Variants in AACS observed in about 807,000 individuals in gnomAD.
The protein encoded by AACS is acetoacetate-CoA ligase.
AACS carries 69 observed loss-of-function variants against 83.1 expected under a neutral mutation model. That is an observed-to-expected ratio of 0.83 (90% confidence interval 0.68 to 1.01). The LOEUF (loss-of-function observed/expected upper bound fraction) is 1.01, where lower values mean the gene tolerates loss of function less well. Ranked by LOEUF, AACS falls within the 50% of genes least tolerant of loss-of-function variation. The pLI is 0.00. For missense variants in AACS, 866 were observed against 882.2 expected (o/e 0.98, Z 0.23); for synonymous variants, 333 against 343.4 (o/e 0.97, Z 0.33).
At chr12:125,126,472 G>A (rs1390572596) in intron 12 of AACS, 4 of 152,078 alleles carry the variant, frequency 2.6e-5, no homozygotes, top group South Asian at 2.1e-4. Flanking sequence ...TAAATGGGGC[G>A]AGAGCACCCC....
chr12:125,135,595 G>C (rs1165944398), intron 16 of AACS, among the ~76,000 whole-genome samples: 2 of 152,182 alleles, frequency 1.3e-5, no homozygotes, highest in Non-Finnish European at 2.9e-5. Context: ...CGCAGAGTTG[G>C]TCAGATGGCC....
intron 8 of AACS, among the ~76,000 whole-genome samples, chr12:125,108,790 C>A (rs976907643): frequency 6.6e-6 from 1 of 150,938 alleles, no homozygotes; most frequent in African/African-American, 2.4e-5. Context: ...CTCTCAGTCT[C>A]CCATGTAGCT....
chr12:125,089,615 A>C (rs1956416584), intron 4 of AACS, among the ~76,000 whole-genome samples: 1 of 151,994 alleles, frequency 6.6e-6, no homozygotes, highest in African/African-American at 2.4e-5. Context: ...TCTTGACAGT[A>C]CTGCTTGTGT....
chr12:125,098,764 C>T (rs1275430739), intron 5 of AACS, among the ~76,000 whole-genome samples: 1 of 152,236 alleles, frequency 6.6e-6, no homozygotes, highest in East Asian at 1.9e-4. Flanking sequence ...ATTACCTTTT[C>T]AAACTGTATT....
intron 5 of AACS, chr12:125,102,061 G>A (rs543308895): frequency 6.0e-5 from 7 of 115,904 alleles, no homozygotes; most frequent in African/African-American, 2.7e-4. Flanking sequence ...CACCATGCTT[G>A]CCTTTTTAAA....
intron 7 of AACS, chr12:125,105,711 G>A (rs1298031762): frequency 2.6e-5 from 4 of 152,208 alleles, no homozygotes; most frequent in East Asian, 1.9e-4. Context: ...AAGCAGAAAC[G>A]GGTACGTGCC....
chr12:125,085,204 G>A (rs1000918125), intron 3 of AACS, among the ~76,000 whole-genome samples: 4 of 152,176 alleles, frequency 2.6e-5, no homozygotes, highest in South Asian at 2.1e-4. Context: ...AGAGAACCTC[G>A]CACGTGCATG....
At chr12:125,072,285 A>C (rs756028729) in intron 1 of AACS, among the ~76,000 whole-genome samples, 4 of 151,516 alleles carry the variant, frequency 2.6e-5, no homozygotes, top group Admixed American at 6.6e-5. Flanking sequence ...TCCCTGCCCC[A>C]GTTCTTGTGA....
rs112317455 is a variant in AACS at position 125,076,739 on chromosome 12, G to A, written c.358+128G>A. On this transcript the variant is annotated intron_variant, in intron 3 of 17. Transcript: ENST00000316519. Reference sequence around the variant, plus strand: ...GTTGGCACCTTTCTGATGTAATTAAGATTTCTGTCGACTTTATTTTTGCTG... The same window carrying A: ...GTTGGCACCTTTCTGATGTAATTAAAATTTCTGTCGACTTTATTTTTGCTG... 1,646 of 1,419,528 alleles carry A rather than the reference G, an allele frequency of 1.2e-3. 26 individuals are homozygous for A. In the African/African-American group the frequency reaches 0.021, roughly 18 times the overall value. The allele number at this position is 1,419,528 out of a possible 1,614,324, so 87.9% of individuals were successfully genotyped here.
In AACS at chr12:125,103,086, T is replaced by C. The variant is rs754836022; in HGVS notation, c.767+5T>C. Reference sequence around the variant, plus strand: ...CCTTTCAAAGATTCCAAACAGGTAATGTACCGCATTCTGACCCACAGGTCC... The same window carrying C: ...CCTTTCAAAGATTCCAAACAGGTAACGTACCGCATTCTGACCCACAGGTCC... On this transcript the variant is annotated splice_donor_5th_base_variant and intron_variant, in intron 7 of 17. Coordinates refer to ENST00000316519, the MANE Select transcript of AACS (RefSeq NM_023928.5). The C allele has an allele frequency of 1.3e-5, 21 of 1,613,068 alleles. No individual in the cohort carries two copies. The highest frequency in any genetic ancestry group is 3.3e-5 in the Admixed American group (2 of 59,838).
At position 125,112,678 on chromosome 12, in the gene AACS, C is replaced by CAAAAAAA. The variant is rs56314902; in HGVS notation, c.916-1792_916-1786dup. 3.8e-4 allele frequency among the ~76,000 whole-genome samples: 41 copies of CAAAAAAA among 108,426 alleles called. 1 individual carries two copies. Among genetic ancestry groups the CAAAAAAA allele is most frequent in the African/African-American group, 1.5e-3 (39 of 25,968 alleles). The allele number at this position is 108,426 out of a possible 152,430, so 71.1% of individuals were successfully genotyped here. A position where few individuals can be genotyped will look rare whatever the true frequency, so the allele number is the denominator to read the frequency against. On this transcript the variant is annotated intron_variant, in intron 8 of 17. Transcript: ENST00000316519. ...CTGGTGACAGAGCGAGACTCTGTCT[C>CAAAAAAA]AAAAAAAAAAAAAGACATACTGAGA...
intron 8 of AACS, among the ~76,000 whole-genome samples, chr12:125,111,375 TTTA>T (rs1446358147): frequency 6.6e-6 from 1 of 152,216 alleles, no homozygotes; most frequent in African/African-American, 2.4e-5. Context: ...TAACTGTACT[TTTA>T]TTTTTAGTGC....
intron 5 of AACS, among the ~76,000 whole-genome samples, chr12:125,099,048 G>C (rs1323697330): frequency 6.6e-6 from 1 of 152,228 alleles, no homozygotes; most frequent in East Asian, 1.9e-4. Flanking sequence ...TGTGCCGTCA[G>C]GTGTCTGCCA....
At chr12:125,118,859 T>A in intron 10 of AACS, 94 bp downstream of exon 10, 2 of 1,513,668 alleles carry the variant, frequency 1.3e-6, no homozygotes, top group Non-Finnish European at 1.8e-6. Context: ...CCTTCTACCG[T>A]GGTCGGGGCG....
intron 4 of AACS, chr12:125,091,155 C>T (rs1956476163): frequency 6.2e-6 from 3 of 485,670 alleles, no homozygotes; most frequent in African/African-American, 2.0e-5. Context: ...CTGCTGTGAC[C>T]AGATCCCAGG....
At chr12:125,073,163 G>C (rs6488985) in intron 1 of AACS, among the ~76,000 whole-genome samples, 115,349 of 152,008 alleles carry the variant, frequency 0.76, 43,995 homozygotes, top group South Asian at 0.84. Flanking sequence ...CTCCTGACCT[G>C]GTGATCCACC....
At chr12:125,083,968 T>A (rs1372643524) in intron 3 of AACS, among the ~76,000 whole-genome samples, 1 of 152,076 alleles carries the variant, frequency 6.6e-6, no homozygotes, top group East Asian at 1.9e-4. Flanking sequence ...AGTGAATTAT[T>A]GATGCATGCA....
At chr12:125,082,948 A>T (rs934878105) in intron 3 of AACS, among the ~76,000 whole-genome samples, 14 of 152,266 alleles carry the variant, frequency 9.2e-5, no homozygotes, top group African/African-American at 3.1e-4. Flanking sequence ...TCTATACTGT[A>T]GAAATTATCT....
intron 16 of AACS, chr12:125,136,002 T>A (rs980799480): frequency 6.6e-6 from 1 of 152,640 alleles, no homozygotes; most frequent in African/African-American, 2.4e-5. Context: ...CACTTCGGCC[T>A]CCCAAAGTGC....
Sources: allele counts gnomAD v4.1 joint callset (sites outside exome capture counted in the v4.1 genomes callset), GRCh38; gene constraint gnomAD v4.1.1; transcripts MANE v1.5; gene names NCBI Gene and HGNC (gene_info 2026-07-23, HGNC 2026-07-21).